The following ZNF283 variants were observed in gnomAD, a reference collection of about 807,000 sequenced individuals.
ZNF283 encodes zinc finger protein 41.
ZNF283 carries 10 observed loss-of-function variants against 9.2 expected under a neutral mutation model. The ratio of observed to expected loss-of-function variants is 1.09; its 90% CI spans 0.67 to 1.85. ZNF283 has a LOEUF of 1.85. ZNF283 is among the 40% of genes most tolerant of loss of function. ZNF283 has a pLI of 0.00. For missense variants in ZNF283, 631 were observed against 760.1 expected (o/e 0.83, Z 2.00); for synonymous variants, 234 against 244.1 (o/e 0.96, Z 0.38).
intron 6 of ZNF283, among the ~76,000 whole-genome samples, chr19:43,839,694 G>A (rs1971122230): frequency 6.6e-6 from 1 of 152,040 alleles, no homozygotes; most frequent in Non-Finnish European, 1.5e-5. Flanking sequence ...AGTTTGCTGA[G>A]TCTTTCTTCT....
In ZNF283 at chr19:43,843,113, C is replaced by T. The variant is rs536576832; in HGVS notation, c.338-3826C>T. Among the ~76,000 whole-genome samples, 8 of 152,190 alleles carry T rather than the reference C, an allele frequency of 5.3e-5. No homozygotes were observed. In the East Asian group the frequency reaches 5.8e-4, roughly 11 times the overall value. On this transcript the variant is annotated intron_variant, in intron 6 of 6. Transcript: ENST00000618787. ...ATCCCAGCATTTTGGGAGGCCAAGG[C>T]GGACAGATCACAAGGTTAAGAGATC...
chr19:43,829,840 G>A (rs942472306), intron 2 of ZNF283, among the ~76,000 whole-genome samples: 3 of 152,064 alleles, frequency 2.0e-5, no homozygotes, highest in Admixed American at 2.0e-4. Flanking sequence ...TGGCCAGCAT[G>A]GTGAAACCCC....
intron 3 of ZNF283, among the ~76,000 whole-genome samples, chr19:43,832,090 TTA>T (rs1048873207): frequency 1.3e-5 from 2 of 152,194 alleles, no homozygotes; most frequent in African/African-American, 4.8e-5. Flanking sequence ...GTTCTAGGTT[TTA>T]TGTTAATCTT....
intron 6 of ZNF283, among the ~76,000 whole-genome samples, chr19:43,846,423 CA>C (rs1971402349): frequency 6.6e-6 from 1 of 152,080 alleles, no homozygotes; most frequent in African/African-American, 2.4e-5. Context: ...CTCTGGAGGC[CA>C]AATCCACCTG....
intron 3 of ZNF283, 61 bp downstream of exon 3, chr19:43,831,442 C>T (rs1217502582): frequency 2.5e-5 from 33 of 1,343,662 alleles, no homozygotes; most frequent in Non-Finnish European, 3.4e-5. Context: ...GTTCAGTTTT[C>T]TTAATGACTG....
chr19:43,839,272 G>C (rs1205363982), intron 6 of ZNF283, among the ~76,000 whole-genome samples: 1 of 150,772 alleles, frequency 6.6e-6, no homozygotes, highest in Non-Finnish European at 1.5e-5. Context: ...ATACCATCCT[G>C]TTACTTTCTG....
At position 43,837,167 on chromosome 19, in the gene ZNF283, T is replaced by C. The variant is rs759743194; in HGVS notation, c.325T>C (p.Leu109=). ...TGTAATGTTGGAGAACTATAGTAACTTGGTGTCACTGGGTAAGGTCATCTG... is the reference window on the plus strand; with the variant it reads ...TGTAATGTTGGAGAACTATAGTAACCTGGTGTCACTGGGTAAGGTCATCTG... ...VDVMLENYSN[L]VSLDLESKTY... The change falls in exon 6 of 7, where the codon TTG becomes CTG. Residue 109 remains leucine (L), a synonymous_variant. Coordinates refer to ENST00000618787, the MANE Select transcript of ZNF283 (RefSeq NM_181845.2). The C allele has an allele frequency of 6.2e-7, 1 of 1,608,430 alleles. No homozygotes were observed.
In ZNF283 at chr19:43,851,832, T is replaced by C. The variant is rs2146604307; in HGVS notation, c.*3191T>C. ...TTGAAATACTTATTCCCATGACCTA[T>C]TATCTTTGTAGGTGGGTGAAATTGC... is the stretch of plus-strand genomic sequence containing the variant. On this transcript the variant is annotated 3_prime_UTR_variant, in exon 7 of 7. Transcript: ENST00000618787. The C allele has an allele frequency of 6.6e-6, 1 of 152,354 alleles. No individual in the cohort carries two copies. Among genetic ancestry groups the C allele is most frequent in the East Asian group, 1.9e-4 (1 of 5,194 alleles). 9.4% of individuals were successfully genotyped at this position (152,354 alleles called of 1,614,324 possible). A position where few individuals can be genotyped will look rare whatever the true frequency, so the allele number is the denominator to read the frequency against.
rs756423061 is a variant in ZNF283, at chr19:43,848,398, T to G, written c.1797T>G (p.Tyr599Ter). ...GAGTCCATACTAATGAGAAGTCTTA[T>G]GAATGTAAAGACTGTGGGAAGGCCT... ...HERVHTNEKS[Y>*]ECKDCGKAFG... Residue 599 changes from tyrosine to a stop codon, truncating the protein, a stop_gained, in exon 7 of 7, where the codon TAT (tyrosine) becomes TAG (stop). Transcript: ENST00000618787. LOFTEE classifies it low-confidence loss of function (END_TRUNC). 6.2e-7 allele frequency: 1 copy of G among 1,613,932 alleles called. No homozygotes were observed. The highest frequency in any genetic ancestry group is 1.1e-5 in the South Asian group (1 of 91,052).
intron 2 of ZNF283, among the ~76,000 whole-genome samples, chr19:43,830,121 C>T (rs1402719059): frequency 2.0e-5 from 3 of 152,204 alleles, no homozygotes; most frequent in Non-Finnish European, 2.9e-5. Context: ...TTTGCCTAGG[C>T]TGGAGTGCAG....
Position 43,829,179 on chromosome 19 carries a change from A to T in ZNF283, c.-65+898A>T, listed in dbSNP as rs146879295. 6.9e-3 allele frequency among the ~76,000 whole-genome samples: 1,050 copies of T among 152,050 alleles called. 3 individuals carry two copies. The highest frequency in any genetic ancestry group is 0.022 in the African/African-American group (913 of 41,450). On this transcript the variant is annotated intron_variant, in intron 2 of 6. Transcript: ENST00000618787. ...GGGAGGTGGATCATGAAGTCAGGAG[A>T]TCGAGAACATCCTGGCTAACACGGT...
At chr19:43,846,088 G>A (rs530898918) in intron 6 of ZNF283, among the ~76,000 whole-genome samples, 1 of 152,200 alleles carries the variant, frequency 6.6e-6, no homozygotes, top group South Asian at 2.1e-4. Context: ...AACTTTTTAT[G>A]CAACCAGAAA....
chr19:43,837,970 A>G (rs931421793), intron 6 of ZNF283: 1 of 152,208 alleles, frequency 6.6e-6, no homozygotes, highest in African/African-American at 2.4e-5. Context: ...TGTTTGTGGA[A>G]TTTGGATTGT....
chr19:43,843,041 T>C (rs527888500), intron 6 of ZNF283, among the ~76,000 whole-genome samples: 1 of 152,320 alleles, frequency 6.6e-6, no homozygotes, highest in East Asian at 1.9e-4. Context: ...CTTGTACAGT[T>C]GTTTAAGTTG....
chr19:43,838,727 A>G (rs1971082634), intron 6 of ZNF283, among the ~76,000 whole-genome samples: 1 of 151,900 alleles, frequency 6.6e-6, no homozygotes, highest in Non-Finnish European at 1.5e-5. Flanking sequence ...TCTGTTATTT[A>G]TTTTGAAGCT....
intron 2 of ZNF283, among the ~76,000 whole-genome samples, chr19:43,830,032 C>T (rs1043380877): frequency 5.3e-5 from 8 of 152,046 alleles, no homozygotes; most frequent in Non-Finnish European, 1.0e-4. Context: ...CACACAGACA[C>T]GAAAAAGTGA....
In ZNF283 at chr19:43,847,721, C is replaced by T. The variant is rs781171789; in HGVS notation, c.1120C>T (p.Pro374Ser). The T allele has an allele frequency of 3.7e-6, 6 of 1,612,968 alleles. No homozygotes were observed. The highest frequency in any genetic ancestry group is 4.2e-6 in the Non-Finnish European group (5 of 1,179,578). ...QHQKIHTGKK[P>S]YECKICGKAF... Reference sequence around the variant, plus strand: ...TCAGAAAATCCATACTGGTAAGAAACCTTATGAATGTAAAATATGTGGAAA... The same window carrying T: ...TCAGAAAATCCATACTGGTAAGAAATCTTATGAATGTAAAATATGTGGAAA... Residue 374 changes from proline (P) to serine (S), a missense_variant, in exon 7 of 7, where the codon CCT becomes TCT. Around this residue, in one of 3 missense-constraint regions of ZNF283, gnomAD observed 444 missense variants for 522.5 expected, o/e 0.85. Coordinates refer to ENST00000618787, the MANE Select transcript of ZNF283 (RefSeq NM_181845.2).
Position 43,847,537 on chromosome 19 carries a change from T to G in ZNF283, c.936T>G (p.Ile312Met), listed in dbSNP as rs780115858. Residue 312 changes from isoleucine to methionine, a missense_variant, in exon 7 of 7, where the codon ATT (isoleucine) becomes ATG (methionine). By Grantham distance (10) the Ile-to-Met change is conservative. Around this residue, in one of 3 missense-constraint regions of ZNF283, gnomAD observed 444 missense variants for 522.5 expected, o/e 0.85. Coordinates refer to ENST00000618787, the MANE Select transcript of ZNF283 (RefSeq NM_181845.2). ...ATCACCTTACCCAACATCAGAAAATTCATACTGGTGTGAAATCTTATAAAT... is the reference window on the plus strand; with the variant it reads ...ATCACCTTACCCAACATCAGAAAATGCATACTGGTGTGAAATCTTATAAAT... Reference protein sequence around the residue: ...RGYHLTQHQKIHTGVKSYKCK... With the variant: ...RGYHLTQHQKMHTGVKSYKCK... 6.3e-7 allele frequency: 1 copy of G among 1,598,128 alleles called. No individual in the cohort carries two copies. The highest frequency in any genetic ancestry group is 2.3e-5 in the East Asian group (1 of 44,058).
intron 2 of ZNF283, among the ~76,000 whole-genome samples, 162 bp downstream of exon 2, chr19:43,828,443 ATTG>A (rs1182429522): frequency 2.0e-5 from 3 of 152,004 alleles, no homozygotes; most frequent in Admixed American, 6.6e-5. Context: ...GTGGCCCCCT[ATTG>A]TTCTTCTCCA....
Sources: allele counts gnomAD v4.1 joint callset (sites outside exome capture counted in the v4.1 genomes callset), GRCh38; gene constraint gnomAD v4.1.1; regional missense constraint gnomAD v4.1.1; transcripts MANE v1.5; gene names NCBI Gene and HGNC (gene_info 2026-07-23, HGNC 2026-07-21).